Variants in CACNA2D3 observed in about 807,000 individuals in gnomAD.
CACNA2D3 encodes the protein calcium voltage-gated channel auxiliary subunit alpha2delta 3.
In CACNA2D3, 60 loss-of-function variants were observed where a neutral mutation model predicts 160.6. The observed-to-expected ratio is 0.37, with a 90% CI of 0.30 to 0.46. The LOEUF is 0.46. CACNA2D3 is among the 20% of genes least tolerant of loss of function. The pLI is 1.00. For synonymous variants in CACNA2D3, 558 were observed against 492.9 expected (o/e 1.13, Z -1.75); for missense variants, 1,205 against 1,365.0 (o/e 0.88, Z 1.85).
chr3:54,211,919 A>G (rs1701379939), intron 2 of CACNA2D3, among the ~76,000 whole-genome samples: 1 of 152,188 alleles, frequency 6.6e-6, no homozygotes, highest in Non-Finnish European at 1.5e-5. Context: ...CAAGGTGCAC[A>G]ATGAAGCAAA....
At chr3:54,165,455 A>T (rs1700433854) in intron 2 of CACNA2D3, among the ~76,000 whole-genome samples, 1 of 151,960 alleles carries the variant, frequency 6.6e-6, no homozygotes, top group African/African-American at 2.4e-5. Context: ...CTCCTTTGAT[A>T]TTGGGACAGC....
At chr3:54,317,533 C>T (rs1703890344) in intron 2 of CACNA2D3, among the ~76,000 whole-genome samples, 1 of 151,360 alleles carries the variant, frequency 6.6e-6, no homozygotes, top group Admixed American at 6.6e-5. Flanking sequence ...GTGGGCCAAA[C>T]TCACTTTTTT....
chr3:54,428,580 CTT>C (rs76169167), intron 4 of CACNA2D3, among the ~76,000 whole-genome samples: 132 of 143,826 alleles, frequency 9.2e-4, no homozygotes, highest in African/African-American at 3.2e-3. Context: ...TGATATATTT[CTT>C]TTTTTTTTTT....
intron 2 of CACNA2D3, among the ~76,000 whole-genome samples, chr3:54,189,115 T>C (rs150646746): frequency 6.6e-6 from 1 of 152,366 alleles, no homozygotes; most frequent in Non-Finnish European, 1.5e-5. Context: ...CTGAAATTTA[T>C]TGAAGCAATT....
intron 2 of CACNA2D3, among the ~76,000 whole-genome samples, chr3:54,313,729 C>G (rs1424086030): frequency 5.9e-5 from 9 of 151,810 alleles, no homozygotes. Context: ...ATCTTTATCC[C>G]CTGTTGCCCC....
At chr3:54,954,417 C>G (rs78310130) in intron 27 of CACNA2D3, among the ~76,000 whole-genome samples, 2,567 of 152,312 alleles carry the variant, frequency 0.017, 71 homozygotes, top group African/African-American at 0.058. Flanking sequence ...AGAGAAAGGA[C>G]TGTGTGGAGC....
At chr3:55,051,416 C>T (rs899543016) in intron 35 of CACNA2D3, among the ~76,000 whole-genome samples, 18 of 152,124 alleles carry the variant, frequency 1.2e-4, no homozygotes, top group East Asian at 5.8e-4. Context: ...TTAGGCTGCC[C>T]GGGCGTCAGG....
intron 2 of CACNA2D3, among the ~76,000 whole-genome samples, chr3:54,204,682 G>A (rs374100112): frequency 1.3e-5 from 2 of 151,650 alleles, no homozygotes; most frequent in African/African-American, 4.8e-5. Flanking sequence ...TGTAATCCCA[G>A]CTACTTGGGA....
At chr3:54,925,024 C>T (rs1279861870) in intron 27 of CACNA2D3, 2 of 1,613,974 alleles carry the variant, frequency 1.2e-6, no homozygotes, top group East Asian at 2.2e-5. Flanking sequence ...AATGCAAAAG[C>T]AGGAAGATGG....
chr3:54,646,960 C>A (rs565355168), intron 11 of CACNA2D3, among the ~76,000 whole-genome samples: 1 of 152,264 alleles, frequency 6.6e-6, no homozygotes, highest in South Asian at 2.1e-4. Flanking sequence ...TGTGATGAAG[C>A]CTTTATGGCC....
chr3:54,139,288 G>A (rs1004414599), intron 2 of CACNA2D3, among the ~76,000 whole-genome samples: 2 of 152,236 alleles, frequency 1.3e-5, no homozygotes, highest in African/African-American at 4.8e-5. Flanking sequence ...TCTGCATCAG[G>A]TGTCTCTGTG....
At chr3:54,760,595 G>C (rs1702064569) in intron 12 of CACNA2D3, among the ~76,000 whole-genome samples, 1 of 152,122 alleles carries the variant, frequency 6.6e-6, no homozygotes, top group South Asian at 2.1e-4. Context: ...CCTAGACAAG[G>C]GGGAGAGGGA....
intron 35 of CACNA2D3, among the ~76,000 whole-genome samples, chr3:55,022,195 C>G (rs1575439565): frequency 7.3e-6 from 1 of 137,774 alleles, no homozygotes; most frequent in Admixed American, 7.1e-5. Flanking sequence ...AGAAATCATT[C>G]CTGTTATCAC....
chr3:54,842,209 CTGA>C (rs1698834329), intron 16 of CACNA2D3, among the ~76,000 whole-genome samples: 1 of 152,192 alleles, frequency 6.6e-6, no homozygotes, highest in Non-Finnish European at 1.5e-5. Flanking sequence ...ACAAAACATT[CTGA>C]TGTTATTTTC....
At chr3:54,879,542 G>A in intron 20 of CACNA2D3, 131 bp downstream of exon 20, 1 of 669,430 alleles carries the variant, frequency 1.5e-6, no homozygotes, top group Non-Finnish European at 2.5e-6. Context: ...GAAAGAGTGA[G>A]GAAGGGGCTT....
chr3:54,554,769 C>T (rs891614984), intron 5 of CACNA2D3, among the ~76,000 whole-genome samples: 3 of 151,972 alleles, frequency 2.0e-5, no homozygotes, highest in African/African-American at 7.3e-5. Context: ...TGCCGTGCTG[C>T]TGTTCAGGTG....
At chr3:54,982,651 A>G (rs1260873577) in intron 29 of CACNA2D3, among the ~76,000 whole-genome samples, 2 of 152,016 alleles carry the variant, frequency 1.3e-5, no homozygotes, top group Non-Finnish European at 2.9e-5. Flanking sequence ...AAGTAAAGGG[A>G]TCAAGAATGG....
intron 3 of CACNA2D3, among the ~76,000 whole-genome samples, chr3:54,332,238 C>T (rs964854215): frequency 6.6e-6 from 1 of 152,180 alleles, no homozygotes; most frequent in Non-Finnish European, 1.5e-5. Context: ...CTTTTTATCA[C>T]AGTGTGGTGC....
At chr3:54,224,974 T>C (rs1701644860) in intron 2 of CACNA2D3, among the ~76,000 whole-genome samples, 1 of 148,504 alleles carries the variant, frequency 6.7e-6, no homozygotes, top group Admixed American at 6.9e-5. Flanking sequence ...ATATATATAC[T>C]TTAAGTTCTA....
Sources: gnomAD v4.1 joint callset for allele counts (sites outside exome capture counted in the v4.1 genomes callset) on GRCh38, gnomAD v4.1.1 for gene constraint, MANE v1.5 for transcripts, NCBI Gene and HGNC (gene_info 2026-07-23, HGNC 2026-07-21) for gene names.